The following SHKBP1 variants were observed in gnomAD, a reference collection of about 807,000 sequenced individuals.
SHKBP1 encodes the protein SH3KBP1 binding protein 1.
SHKBP1 carries 71 observed loss-of-function variants against 83.9 expected under a neutral mutation model. The ratio of observed to expected loss-of-function variants is 0.85; its 90% CI spans 0.70 to 1.03. SHKBP1 has a LOEUF of 1.03. Ranked by LOEUF, SHKBP1 falls within the 50% of genes least tolerant of loss-of-function variation. The pLI is 0.00. For synonymous variants in SHKBP1, 371 were observed against 398.0 expected (o/e 0.93, Z 0.81); for missense variants, 824 against 982.4 (o/e 0.84, Z 2.16).
At position 40,589,178 on chromosome 19, in the gene SHKBP1, GGTGAGGACAGTCCTGTCCAACAGGGA is replaced by G. The variant is rs746736349; in HGVS notation, c.1589+2_1589+27del. On this transcript the variant is annotated splice_donor_variant and splice_donor_5th_base_variant and intron_variant, in intron 15 of 17. Coordinates refer to ENST00000291842, the MANE Select transcript of SHKBP1 (RefSeq NM_138392.4). LOFTEE classifies it high-confidence loss of function. ...GTGCGTCTCTCATCTACTGGGCAGCGGTGAGGACAGTCCTGTCCAACAGGGAGGGAGGACAGTCCTGTCCAACAGGG... is the reference window on the plus strand; with the variant it reads ...GTGCGTCTCTCATCTACTGGGCAGCGGGGAGGACAGTCCTGTCCAACAGGG... 4 of 1,607,292 alleles carry G rather than the reference GGTGAGGACAGTCCTGTCCAACAGGGA, an allele frequency of 2.5e-6. No homozygotes were observed. Among genetic ancestry groups the G allele is most frequent in the South Asian group, 2.2e-5 (2 of 90,554 alleles).
At chr19:40,577,763 G>GC (rs200963328) in intron 4 of SHKBP1, 133 bp downstream of exon 4, 19,652 of 1,157,296 alleles carry the variant, frequency 0.017, 263 homozygotes, top group Non-Finnish European at 0.02. Context: ...CAGGCCGGGC[G>GC]CGCCGGGATT....
In SHKBP1 at chr19:40,577,948, TACACACACACACAC is replaced by T. The variant is rs58880858; in HGVS notation, c.261-175_261-162del. 1,587 of 567,638 alleles carry T rather than the reference TACACACACACACAC, an allele frequency of 2.8e-3. 1 individual carries two copies. The highest frequency in any genetic ancestry group is 7.8e-3 in the Middle Eastern group (25 of 3,186). The allele number at this position is 567,638 out of a possible 1,614,324, so 35.2% of individuals were successfully genotyped here. A position where few individuals can be genotyped will look rare whatever the true frequency, so the allele number is the denominator to read the frequency against. Reference sequence around the variant, plus strand: ...AATTTTATGTCCTTCGATTTCTCCCTACACACACACACACACACACACACACACACACACACACA... The same window carrying T: ...AATTTTATGTCCTTCGATTTCTCCCTACACACACACACACACACACACACA... On this transcript the variant is annotated intron_variant, in intron 4 of 17. Transcript: ENST00000291842.
intron 12 of SHKBP1, chr19:40,585,550 T>TTTTTTTTTTTTTTTTTTTC (rs398034634): frequency 6.9e-6 from 1 of 144,712 alleles, no homozygotes; most frequent in African/African-American, 2.6e-5. Context: ...TTTTTTTTTT[T>TTTTTTTTTTTTTTTTTTTC]GTCTTTTCCT....
Position 40,591,323 on chromosome 19 carries a change from A to C in SHKBP1, c.*116A>C. ...CAGGGCCTCCTTGGAATAAATGGTTATTGTTACTAGGTCCCCACCTTCCCT... is the reference window on the plus strand; with the variant it reads ...CAGGGCCTCCTTGGAATAAATGGTTCTTGTTACTAGGTCCCCACCTTCCCT... On this transcript the variant is annotated 3_prime_UTR_variant, in exon 18 of 18. Coordinates refer to ENST00000291842, the MANE Select transcript of SHKBP1 (RefSeq NM_138392.4). 1 of 885,710 alleles carries C rather than the reference A, an allele frequency of 1.1e-6. No individual in the cohort carries two copies. The highest frequency in any genetic ancestry group is 2.4e-4 in the Middle Eastern group (1 of 4,216). The allele number at this position is 885,710 out of a possible 1,614,324, so 54.9% of individuals were successfully genotyped here. A position where few individuals can be genotyped will look rare whatever the true frequency, so the allele number is the denominator to read the frequency against.
chr19:40,583,514 C>T (rs890759826), intron 11 of SHKBP1, 29 bp downstream of exon 11: 21 of 1,612,104 alleles, frequency 1.3e-5, no homozygotes, highest in South Asian at 4.4e-5. Flanking sequence ...CCCGGGTGCC[C>T]GAGACCCTCC....
intron 1 of SHKBP1, 104 bp downstream of exon 1, chr19:40,577,089 C>A: frequency 2.8e-6 from 2 of 711,660 alleles, no homozygotes; most frequent in Non-Finnish European, 3.8e-6. Context: ...GTTGCTCCGC[C>A]CCCCCCCCCT....
At chr19:40,587,823 G>C (rs905599622) in intron 13 of SHKBP1, among the ~76,000 whole-genome samples, 2 of 152,144 alleles carry the variant, frequency 1.3e-5, no homozygotes, top group South Asian at 4.2e-4. Flanking sequence ...GGGATCACTT[G>C]AGCCCAAGAG....
At chr19:40,580,261 G>A (rs1251050886) in intron 6 of SHKBP1, 63 bp from the exon 7 acceptor site, 3 of 1,553,078 alleles carry the variant, frequency 1.9e-6, no homozygotes, top group African/African-American at 1.4e-5. Context: ...CATATTTTAA[G>A]TGCTTGCTGT....
chr19:40,577,948 TACACACACACACACACACACACACAC>T (rs58880858), intron 4 of SHKBP1, 180 bp from the exon 5 acceptor site: 6 of 567,558 alleles, frequency 1.1e-5, no homozygotes, highest in African/African-American at 4.0e-5. Context: ...GATTTCTCCC[TACACACACACACACACACACACACAC>T]ACACACACAC....
intron 12 of SHKBP1, 138 bp from the exon 13 acceptor site, chr19:40,586,636 G>T (rs999069559): frequency 6.9e-5 from 58 of 839,156 alleles, no homozygotes; most frequent in Non-Finnish European, 9.1e-5. Context: ...CAAAGTGATG[G>T]GATTACGGCG....
At position 40,586,812 on chromosome 19, in the gene SHKBP1, AGCTCAG is replaced by A; in HGVS notation, c.1206_1211del (p.Ser402_Gly404delinsArg). On this transcript the variant is annotated inframe_deletion, in exon 13 of 18. Transcript: ENST00000291842. ...CTGGATCGAGATCGCCTATGGCACCAGCTCAGGGGGCGTGCGGGTCATCGTGCAGCA... is the reference window on the plus strand; with the variant it reads ...CTGGATCGAGATCGCCTATGGCACCAGGGGCGTGCGGGTCATCGTGCAGCA... 1.2e-6 allele frequency: 2 copies of A among 1,604,526 alleles called. No individual in the cohort carries two copies. The highest frequency in any genetic ancestry group is 2.2e-5 in the South Asian group (2 of 90,342).
At chr19:40,580,303 T>A in intron 6 of SHKBP1, 21 bp from the exon 7 acceptor site, 1 of 1,601,676 alleles carries the variant, frequency 6.2e-7, no homozygotes, top group Middle Eastern at 1.7e-4. Context: ...ACTGTTACTC[T>A]ACCTCTTATT....
intron 12 of SHKBP1, 30 bp from the exon 13 acceptor site, chr19:40,586,744 G>A (rs2081315367): frequency 1.3e-6 from 2 of 1,515,270 alleles, no homozygotes; most frequent in Non-Finnish European, 1.8e-6. Context: ...TGTGGCCCAG[G>A]CCCTCTCCTC....
chr19:40,590,773 C>T lies in SHKBP1; in HGVS notation c.1812C>T (p.His604=). ...AAGAGCTGATGGAACAGCTGGAACA[C>T]TGTGAGCTGGCCCCGCCGGCTCCTT... The part of the protein sequence containing the change: ...TEQELMEQLE[H]CELAPPAPSA... The change falls in exon 17 of 18, where the codon CAC becomes CAT. Residue 604 remains histidine, a synonymous_variant. Coordinates refer to ENST00000291842, the MANE Select transcript of SHKBP1 (RefSeq NM_138392.4). The surrounding 1 kb of genome is among the most constrained non-coding windows in gnomAD (Gnocchi z 4.6). 6.2e-7 allele frequency: 1 copy of T among 1,603,100 alleles called. No homozygotes were observed. Among genetic ancestry groups the T allele is most frequent in the South Asian group, 1.1e-5 (1 of 90,716 alleles).
rs1320480240 is a variant in SHKBP1 at position 40,576,913 on chromosome 19, C to T, written c.14C>T (p.Ala5Val). 17 of 1,474,406 alleles carry T rather than the reference C, an allele frequency of 1.2e-5. No individual in the cohort carries two copies. Among genetic ancestry groups the T allele is most frequent in the Non-Finnish European group, 1.5e-5 (17 of 1,117,334 alleles). The allele number at this position is 1,474,406 out of a possible 1,614,324, so 91.3% of individuals were successfully genotyped here. A position where few individuals can be genotyped will look rare whatever the true frequency, so the allele number is the denominator to read the frequency against. Reference protein sequence around the residue: MAAAATAAEGVPSRG... With the variant: MAAAVTAAEGVPSRG... ...CGCCCGGGGGCCATGGCAGCAGCGG[C>T]TACTGCAGCCGAGGGGGTCCCCAGT... Residue 5 changes from alanine to valine, a missense_variant, in exon 1 of 18, where the codon GCT (alanine) becomes GTT (valine). By Grantham distance (64) the Ala-to-Val change is moderately conservative. This residue lies in a region of SHKBP1 where 355 missense variants were observed against 386.4 expected (regional missense o/e 0.92). Coordinates refer to ENST00000291842, the MANE Select transcript of SHKBP1 (RefSeq NM_138392.4).
At chr19:40,580,112 T>C (rs1568388683) in intron 6 of SHKBP1, 2 of 529,156 alleles carry the variant, frequency 3.8e-6, no homozygotes, top group Non-Finnish European at 6.6e-6. Flanking sequence ...AAACTCAGTC[T>C]TCCTCTGTGC....
In SHKBP1 at chr19:40,590,554, C is replaced by T; in HGVS notation, c.1768+132C>T. On this transcript the variant is annotated intron_variant, in intron 16 of 17. Transcript: ENST00000291842. This position sits in a 1 kb window ranked among gnomAD's most constrained non-coding sequence, Gnocchi z 4.6. ...CCCTTTTCCTTTGACCCCCTCTCTGCTCCCCATCCCTTCCTGCCCTTGTTT... is the reference window on the plus strand; with the variant it reads ...CCCTTTTCCTTTGACCCCCTCTCTGTTCCCCATCCCTTCCTGCCCTTGTTT... The T allele has an allele frequency of 1.6e-6, 2 of 1,258,020 alleles. No homozygotes were observed. Among genetic ancestry groups the T allele is most frequent in the Non-Finnish European group, 1.1e-6 (1 of 905,106 alleles). 77.9% of individuals were successfully genotyped at this position (1,258,020 alleles called of 1,614,324 possible). A position where few individuals can be genotyped will look rare whatever the true frequency, so the allele number is the denominator to read the frequency against.
In SHKBP1 at chr19:40,576,953, G is replaced by A. The variant is rs1359281138; in HGVS notation, c.54G>A (p.Gly18=). Residue 18 remains glycine (G), a synonymous_variant, in exon 1 of 18, where the codon GGG becomes GGA. Transcript: ENST00000291842. ...AEGVPSRGPP[G]EVIHLNVGGK... is the part of the protein sequence containing the mutation. ...GGGTCCCCAGTCGGGGGCCTCCCGGGGAAGTCATTCATCTGAATGTGGGAG... is the reference window on the plus strand; with the variant it reads ...GGGTCCCCAGTCGGGGGCCTCCCGGAGAAGTCATTCATCTGAATGTGGGAG... The A allele has an allele frequency of 1.3e-6, 2 of 1,506,972 alleles. No individual in the cohort carries two copies. The highest frequency in any genetic ancestry group is 1.8e-4 in the Middle Eastern group (1 of 5,646). 93.4% of individuals were successfully genotyped at this position (1,506,972 alleles called of 1,614,324 possible). A position where few individuals can be genotyped will look rare whatever the true frequency, so the allele number is the denominator to read the frequency against.
rs528372766 is a variant in SHKBP1, at chr19:40,580,401, C to T, written c.478C>T (p.Arg160Trp). The change falls in exon 7 of 18, where the codon CGG (arginine) becomes TGG (tryptophan). Residue 160 changes from arginine (R) to tryptophan (W), a missense_variant. Physicochemically the swap from Arg to Trp is moderately radical, Grantham distance 101. Transcript: ENST00000291842. ...QLGGRPAPVR[R>W]SNTMPPNLGN... The stretch of plus-strand genomic sequence containing the variant: ...AGGAGGACGGCCAGCCCCTGTCCGA[C>T]GGAGCAACACGATGCCCCCCAACCT... 2.5e-5 allele frequency: 41 copies of T among 1,614,082 alleles called. No individual in the cohort carries two copies. The highest frequency in any genetic ancestry group is 3.1e-5 in the Non-Finnish European group (37 of 1,180,046).
Sources: gnomAD v4.1 joint callset for allele counts (sites outside exome capture counted in the v4.1 genomes callset) on GRCh38, gnomAD v4.1.1 for gene constraint, gnomAD v4.1.1 regional missense constraint, Gnocchi (gnomAD v3.1) non-coding constraint, MANE v1.5 for transcripts, NCBI Gene and HGNC (gene_info 2026-07-23, HGNC 2026-07-21) for gene names.